The following DOCK3 variants were observed in gnomAD, a reference collection of about 807,000 sequenced individuals.
DOCK3 encodes the protein dedicator of cytokinesis 3.
Under a neutral mutation model 265.6 loss-of-function variants are expected in DOCK3, and 60 were observed. The observed-to-expected ratio is 0.23, with a 90% CI of 0.18 to 0.28. DOCK3 has a LOEUF of 0.28. Among genes scored for constraint, DOCK3 ranks in the 10% least tolerant of loss-of-function variants. DOCK3 has a pLI of 1.00. For missense variants in DOCK3, 1,981 were observed against 2,594.3 expected (o/e 0.76, Z 5.14); for synonymous variants, 881 against 938.0 (o/e 0.94, Z 1.11).
At chr3:50,856,260 C>T (rs2046590873) in intron 3 of DOCK3, among the ~76,000 whole-genome samples, 1 of 152,244 alleles carries the variant, frequency 6.6e-6, no homozygotes. Context: ...GGAATCACCA[C>T]ACTGTCTTCA....
At chr3:50,893,661 A>T (rs762171037) in intron 4 of DOCK3, among the ~76,000 whole-genome samples, 20 of 152,006 alleles carry the variant, frequency 1.3e-4, no homozygotes, top group Non-Finnish European at 2.5e-4. Flanking sequence ...GAATTATCAC[A>T]CGTGGGGCAG....
intron 23 of DOCK3, among the ~76,000 whole-genome samples, chr3:51,269,216 A>AT (rs1276493833): frequency 2.0e-5 from 3 of 148,736 alleles, no homozygotes; most frequent in Non-Finnish European, 4.5e-5. Context: ...TACATAATAT[A>AT]TATATGTATA....
intron 5 of DOCK3, among the ~76,000 whole-genome samples, chr3:51,046,231 C>T (rs1271785126): frequency 2.6e-5 from 4 of 152,072 alleles, no homozygotes; most frequent in Admixed American, 6.6e-5. Context: ...ATAGTAAGTC[C>T]TTAACTGCCA....
At chr3:50,739,885 T>C (rs2038902293) in intron 1 of DOCK3, among the ~76,000 whole-genome samples, 1 of 152,154 alleles carries the variant, frequency 6.6e-6, no homozygotes, top group Non-Finnish European at 1.5e-5. Flanking sequence ...ATAATTGATA[T>C]AATCTATACC....
chr3:50,758,482 T>C (rs902427233), intron 1 of DOCK3, among the ~76,000 whole-genome samples: 5 of 152,168 alleles, frequency 3.3e-5, no homozygotes, highest in Non-Finnish European at 7.3e-5. Context: ...ATTTATAGTT[T>C]TAACCATTTG....
chr3:50,994,732 C>T (rs1432731547), intron 5 of DOCK3, among the ~76,000 whole-genome samples: 4 of 152,058 alleles, frequency 2.6e-5, no homozygotes, highest in Admixed American at 1.3e-4. Context: ...TGTTTGTCAG[C>T]GATGTTTAGA....
chr3:50,905,812 G>C (rs2049460633), intron 4 of DOCK3, among the ~76,000 whole-genome samples: 1 of 152,084 alleles, frequency 6.6e-6, no homozygotes, highest in African/African-American at 2.4e-5. Context: ...GAATAGGAGT[G>C]GTGAGACAGG....
intron 7 of DOCK3, among the ~76,000 whole-genome samples, chr3:51,082,056 A>T (rs1640599132): frequency 6.6e-6 from 1 of 152,056 alleles, no homozygotes; most frequent in Non-Finnish European, 1.5e-5. Context: ...GGGAAGTGAC[A>T]AGAAACTTCA....
intron 1 of DOCK3, among the ~76,000 whole-genome samples, chr3:50,705,705 C>T (rs2036366935): frequency 6.6e-6 from 1 of 152,104 alleles, no homozygotes. Context: ...ATGAGCTACC[C>T]TGCCCAGTCG....
intron 27 of DOCK3, among the ~76,000 whole-genome samples, chr3:51,295,147 T>A (rs557898701): frequency 6.6e-6 from 1 of 152,372 alleles, no homozygotes; most frequent in East Asian, 1.9e-4. Context: ...AAGGAATACC[T>A]GAGGCTGATT....
In DOCK3 at chr3:51,095,851, C is replaced by CAA. The variant is rs71278627; in HGVS notation, c.746+5491_746+5492dup. ...CCTTAAGTGACATAAATAAGGTTAG[C>CAA]AAAAAAAAAAAAAAAAAAAAAAAAA... On this transcript the variant is annotated intron_variant, in intron 9 of 52. Coordinates refer to ENST00000266037, the MANE Select transcript of DOCK3 (RefSeq NM_004947.5). 3.8e-3 allele frequency among the ~76,000 whole-genome samples: 37 copies of CAA among 9,806 alleles called. 12 individuals are homozygous for CAA. Among genetic ancestry groups the CAA allele is most frequent in the African/African-American group, 0.014 (34 of 2,350 alleles). The allele number at this position is 9,806 out of a possible 152,430, so 6.4% of individuals were successfully genotyped here.
At chr3:50,692,981 AC>A (rs1222797669) in intron 1 of DOCK3, among the ~76,000 whole-genome samples, 1 of 152,066 alleles carries the variant, frequency 6.6e-6, no homozygotes, top group Admixed American at 6.5e-5. Context: ...TGTTGAAGAG[AC>A]TGTCCTTTTC....
intron 1 of DOCK3, among the ~76,000 whole-genome samples, chr3:50,705,607 G>A (rs1424281697): frequency 1.3e-5 from 2 of 151,978 alleles, no homozygotes; most frequent in African/African-American, 4.8e-5. Flanking sequence ...AGTAGAGATG[G>A]GGTTTCACCA....
chr3:51,179,365 C>T (rs549813496), intron 12 of DOCK3, among the ~76,000 whole-genome samples: 2 of 152,304 alleles, frequency 1.3e-5, no homozygotes, highest in East Asian at 1.9e-4. Context: ...CCTTCATTCT[C>T]AATTATTTAA....
intron 5 of DOCK3, among the ~76,000 whole-genome samples, chr3:51,031,382 A>G (rs1349169230): frequency 5.3e-5 from 8 of 152,216 alleles, no homozygotes; most frequent in Non-Finnish European, 1.2e-4. Flanking sequence ...AGGGATAAGC[A>G]GCATCAGGAG....
chr3:50,911,948 C>T (rs375230691), intron 4 of DOCK3, among the ~76,000 whole-genome samples: 18 of 151,832 alleles, frequency 1.2e-4, no homozygotes, highest in African/African-American at 3.4e-4. Flanking sequence ...TATACATGGG[C>T]TTGCTTTTTG....
chr3:50,988,513 C>T (rs2077987524), intron 5 of DOCK3, among the ~76,000 whole-genome samples: 1 of 152,216 alleles, frequency 6.6e-6, no homozygotes, highest in Middle Eastern at 3.2e-3. Flanking sequence ...ATGCCCAGCA[C>T]AGCACAGCTC....
rs576783997 is a variant in DOCK3 at position 50,991,285 on chromosome 3, T to C, written c.315+57208T>C. On this transcript the variant is annotated intron_variant, in intron 5 of 52. Transcript: ENST00000266037. ...AATGTAAACAGTCTAAATCCTCCAC[T>C]TAAAAGGCAGAGTGGCAAGCTGGAT... 2.6e-5 allele frequency among the ~76,000 whole-genome samples: 4 copies of C among 152,256 alleles called. No homozygotes were observed. The South Asian group carries it at 8.3e-4, about 32-fold the overall frequency.
At chr3:51,338,303 G>A in intron 35 of DOCK3, 56 bp from the exon 36 acceptor site, 1 of 1,540,444 alleles carries the variant, frequency 6.5e-7, no homozygotes, top group East Asian at 2.4e-5. Context: ...ACAGTTCTAT[G>A]TGTTGTCTCA....
Sources: allele counts gnomAD v4.1 joint callset (sites outside exome capture counted in the v4.1 genomes callset), GRCh38; gene constraint gnomAD v4.1.1; transcripts MANE v1.5; gene names NCBI Gene and HGNC (gene_info 2026-07-23, HGNC 2026-07-21).